Variants in ERBB4 observed in about 807,000 individuals in gnomAD.
ERBB4 encodes the protein receptor tyrosine-protein kinase erbB-4.
ERBB4 carries 42 observed loss-of-function variants against 158.0 expected under a neutral mutation model. The ratio of observed to expected loss-of-function variants is 0.27; its 90% CI spans 0.21 to 0.34. The LOEUF (loss-of-function observed/expected upper bound fraction) is 0.34. Among genes scored for constraint, ERBB4 ranks in the 10% least tolerant of loss-of-function variants. ERBB4 has a pLI of 1.00. For synonymous variants in ERBB4, 583 were observed against 558.7 expected, an observed-to-expected ratio of 1.04 and a Z score of -0.61; for missense variants, 1,333 against 1,624.1, an observed-to-expected ratio of 0.82 and a Z score of 3.08.
chr2:211,660,170 C>T (rs1376379104), intron 15 of ERBB4, among the ~76,000 whole-genome samples: 1 of 152,128 alleles, frequency 6.6e-6, no homozygotes, highest in African/African-American at 2.4e-5. Context: ...TGCTTAGTAA[C>T]AATCAATAAA....
At chr2:211,436,745 C>T (rs2063863636) in intron 20 of ERBB4, among the ~76,000 whole-genome samples, 1 of 151,986 alleles carries the variant, frequency 6.6e-6, no homozygotes, top group South Asian at 2.1e-4. Flanking sequence ...TATAACCTAC[C>T]CATCATGATT....
Position 212,059,470 on chromosome 2 carries a change from A to G in ERBB4, c.234+65282T>C, listed in dbSNP as rs551925722. 1.1e-4 allele frequency among the ~76,000 whole-genome samples: 17 copies of G among 152,358 alleles called. No homozygotes were observed. The South Asian group carries it at 1.7e-3, about 15-fold the overall frequency. On this transcript the variant is annotated intron_variant, in intron 2 of 27. Coordinates refer to ENST00000342788, the MANE Select transcript of ERBB4 (RefSeq NM_005235.3). The stretch of plus-strand genomic sequence containing the variant: ...TAAAGTTCATATGGAACCAAAAAAG[A>G]GCCCACATTGCCAAGACAATTCTAA...
At chr2:211,614,929 C>T (rs1229604851) in intron 19 of ERBB4, among the ~76,000 whole-genome samples, 1 of 151,966 alleles carries the variant, frequency 6.6e-6, no homozygotes, top group African/African-American at 2.4e-5. Flanking sequence ...GAAAAACAAG[C>T]TATTCTTTTT....
At chr2:211,829,695 T>C (rs981620572) in intron 3 of ERBB4, among the ~76,000 whole-genome samples, 2 of 152,182 alleles carry the variant, frequency 1.3e-5, no homozygotes, top group South Asian at 4.1e-4. Context: ...CTAGACAAAC[T>C]GAACACCTTG....
chr2:212,392,753 C>T (rs1282321555), intron 1 of ERBB4, among the ~76,000 whole-genome samples: 1 of 151,938 alleles, frequency 6.6e-6, no homozygotes, highest in African/African-American at 2.4e-5. Context: ...TCACATATTG[C>T]TTGCATTATA....
At chr2:212,264,363 C>T (rs2085053603) in intron 1 of ERBB4, among the ~76,000 whole-genome samples, 1 of 152,070 alleles carries the variant, frequency 6.6e-6, no homozygotes, top group Non-Finnish European at 1.5e-5. Context: ...TTACCAAAGG[C>T]ACATAGACAC....
chr2:211,684,509 G>C (rs909887822), intron 12 of ERBB4, among the ~76,000 whole-genome samples: 1 of 152,072 alleles, frequency 6.6e-6, no homozygotes, highest in Non-Finnish European at 1.5e-5. Context: ...AACCAAGCTT[G>C]CAGGACACAC....
chr2:212,498,511 C>T (rs941940866), intron 1 of ERBB4, among the ~76,000 whole-genome samples: 4 of 152,102 alleles, frequency 2.6e-5, no homozygotes, highest in Admixed American at 2.6e-4. Flanking sequence ...CAAGTATTTT[C>T]AGTTAACTTC....
intron 16 of ERBB4, among the ~76,000 whole-genome samples, chr2:211,636,934 C>T (rs75803511): frequency 0.013 from 1,983 of 151,812 alleles, 55 homozygotes; most frequent in African/African-American, 0.045. Flanking sequence ...CACATTCACA[C>T]GAAAGTGTCT....
chr2:212,133,070 T>C (rs955321401), intron 1 of ERBB4, among the ~76,000 whole-genome samples: 1 of 152,140 alleles, frequency 6.6e-6, no homozygotes, highest in African/African-American at 2.4e-5. Flanking sequence ...TCATGTTTGC[T>C]CTTTTTGATA....
intron 1 of ERBB4, among the ~76,000 whole-genome samples, chr2:212,167,761 TA>T (rs907928361): frequency 7.2e-5 from 11 of 151,994 alleles, no homozygotes; most frequent in African/African-American, 2.7e-4. Flanking sequence ...TATGCAGCCA[TA>T]AAAAAGATGA....
At chr2:211,900,600 G>T (rs544726475) in intron 3 of ERBB4, among the ~76,000 whole-genome samples, 3 of 152,092 alleles carry the variant, frequency 2.0e-5, no homozygotes, top group Non-Finnish European at 4.4e-5. Flanking sequence ...TTACGCTTTA[G>T]TAAAGAGTTT....
intron 16 of ERBB4, among the ~76,000 whole-genome samples, chr2:211,636,457 G>A (rs1472234798): frequency 6.6e-6 from 1 of 151,940 alleles, no homozygotes; most frequent in Non-Finnish European, 1.5e-5. Context: ...ATATAGTCAT[G>A]TTTACATTCA....
In ERBB4 at chr2:212,194,080, G is replaced by A. The variant is rs570796797; in HGVS notation, c.83-69177C>T. Among the ~76,000 whole-genome samples the A allele has an allele frequency of 2.4e-4, 36 of 152,044 alleles. 1 individual carries two copies. The highest frequency in any genetic ancestry group is 8.2e-4 in the African/African-American group (34 of 41,520). On this transcript the variant is annotated intron_variant, in intron 1 of 27. Transcript: ENST00000342788. ...ATTTAAGATGTCTCTTGCATTTGCA[G>A]CATAAATGCTAATAAAAATATAAAT...
rs569261677 is a variant in ERBB4, at chr2:212,216,885, G to C, written c.83-91982C>G. ...AACCTATCAGAATGCAAGAGAGCAA[G>C]AGTACACTCTAATATAATCTTATAT... On this transcript the variant is annotated intron_variant, in intron 1 of 27. Transcript: ENST00000342788. 4.0e-5 allele frequency among the ~76,000 whole-genome samples: 6 copies of C among 151,466 alleles called. No homozygotes were observed. The South Asian group carries it at 1.0e-3, about 26-fold the overall frequency.
chr2:212,166,450 T>C (rs991693352), intron 1 of ERBB4, among the ~76,000 whole-genome samples: 1 of 151,848 alleles, frequency 6.6e-6, no homozygotes, highest in Non-Finnish European at 1.5e-5. Flanking sequence ...CACAAACAAA[T>C]GGAAAAACAT....
chr2:212,141,209 T>C (rs564294907), intron 1 of ERBB4, among the ~76,000 whole-genome samples: 1 of 152,098 alleles, frequency 6.6e-6, no homozygotes, highest in South Asian at 2.1e-4. Flanking sequence ...AGCGTTGTAC[T>C]CTTAATTGTT....
intron 1 of ERBB4, among the ~76,000 whole-genome samples, chr2:212,208,634 G>A (rs975979974): frequency 6.6e-6 from 1 of 152,058 alleles, no homozygotes; most frequent in Non-Finnish European, 1.5e-5. Context: ...GATGTTAATA[G>A]GTGGTTAGAG....
chr2:211,980,539 T>C (rs559285025), intron 2 of ERBB4, among the ~76,000 whole-genome samples: 51 of 152,292 alleles, frequency 3.3e-4, no homozygotes, highest in African/African-American at 1.2e-3. Flanking sequence ...TTTTAAATAA[T>C]GTAAGTACAG....
Sources: gnomAD v4.1 joint callset for allele counts (sites outside exome capture counted in the v4.1 genomes callset) on GRCh38, gnomAD v4.1.1 for gene constraint, MANE v1.5 for transcripts, NCBI Gene and HGNC (gene_info 2026-07-23, HGNC 2026-07-21) for gene names.